Variants in CPNE9 observed in about 807,000 individuals in gnomAD.
CPNE9 encodes copine family member 9.
Under a neutral mutation model 83.0 loss-of-function variants are expected in CPNE9, and 59 were observed. That is an observed-to-expected ratio of 0.71 (90% CI 0.58 to 0.88). The LOEUF (loss-of-function observed/expected upper bound fraction) is 0.88, where lower values mean the gene tolerates loss of function less well. CPNE9 is among the 40% of genes least tolerant of loss of function. The pLI is 0.00. For synonymous variants in CPNE9, 256 were observed against 273.4 expected, an observed-to-expected ratio of 0.94 and a Z score of 0.63; for missense variants, 619 against 720.8, an observed-to-expected ratio of 0.86 and a Z score of 1.62.
At chr3:9,728,893 C>G (rs949628618) in intron 20 of CPNE9, among the ~76,000 whole-genome samples, 4 of 152,148 alleles carry the variant, frequency 2.6e-5, no homozygotes, top group African/African-American at 9.7e-5. Context: ...AGGATCCCTT[C>G]TCTCTGGTCC....
At chr3:9,727,289 T>C in intron 20 of CPNE9, 103 bp downstream of exon 20, 1 of 1,216,874 alleles carries the variant, frequency 8.2e-7, no homozygotes, top group South Asian at 1.2e-5. Flanking sequence ...CCTACTTTTT[T>C]CCCCCGTCAC....
intron 20 of CPNE9, among the ~76,000 whole-genome samples, chr3:9,729,154 A>G (rs574223513): frequency 6.6e-6 from 1 of 152,308 alleles, no homozygotes; most frequent in South Asian, 2.1e-4. Flanking sequence ...GGACGTGTCC[A>G]GAAGAATTAT....
chr3:9,712,104 G>A (rs2076635678), intron 7 of CPNE9, among the ~76,000 whole-genome samples: 1 of 152,152 alleles, frequency 6.6e-6, no homozygotes, highest in African/African-American at 2.4e-5. Flanking sequence ...AGTCAGCTTT[G>A]AAGACTACAA....
intron 13 of CPNE9, among the ~76,000 whole-genome samples, 157 bp downstream of exon 13, chr3:9,715,683 G>GT (rs1182078268): frequency 4.0e-5 from 6 of 151,764 alleles, no homozygotes; most frequent in African/African-American, 7.3e-5. Flanking sequence ...GTTTTTCTTT[G>GT]TTTTTTTTCT....
In CPNE9 at chr3:9,712,741, A is replaced by G. The variant is rs2076642138; in HGVS notation, c.458A>G (p.Gln153Arg). The G allele has an allele frequency of 6.2e-7, 1 of 1,614,024 alleles. No individual in the cohort carries two copies. The highest frequency in any genetic ancestry group is 1.7e-5 in the Admixed American group (1 of 60,000). The change falls in exon 9 of 21, where the codon CAG (glutamine) becomes CGG (arginine). Residue 153 changes from glutamine to arginine, a missense_variant. Physicochemically the swap from Gln to Arg is conservative, Grantham distance 43. This residue lies in a region of CPNE9 where 438 missense variants were observed against 562.9 expected (regional missense o/e 0.78). Coordinates refer to ENST00000383832, the MANE Select transcript of CPNE9 (RefSeq NM_153635.3). ...LSNCRDIATM[Q>R]LCANKLDKKD... ...CATCCCTAGGACATTGCCACCATGCAGCTGTGTGCAAACAAGCTGGACAAG... is the reference window on the plus strand; with the variant it reads ...CATCCCTAGGACATTGCCACCATGCGGCTGTGTGCAAACAAGCTGGACAAG...
chr3:9,714,673 C>T (rs1264678895), intron 10 of CPNE9, among the ~76,000 whole-genome samples: 4 of 110,520 alleles, frequency 3.6e-5, no homozygotes, highest in African/African-American at 1.3e-4. Flanking sequence ...AAAAAACCAA[C>T]CAAACAAACA....
intron 17 of CPNE9, among the ~76,000 whole-genome samples, chr3:9,724,431 G>C (rs1030587449): frequency 3.3e-5 from 5 of 152,118 alleles, no homozygotes; most frequent in Non-Finnish European, 7.4e-5. Flanking sequence ...AGGAAGCAAG[G>C]AAGCCTTCAG....
At chr3:9,720,571 A>G (rs1403068212) in intron 17 of CPNE9, among the ~76,000 whole-genome samples, 1 of 152,230 alleles carries the variant, frequency 6.6e-6, no homozygotes, top group Non-Finnish European at 1.5e-5. Context: ...CAATAGAGAA[A>G]TGAAGAAATC....
intron 7 of CPNE9, among the ~76,000 whole-genome samples, chr3:9,708,141 G>A (rs1224954811): frequency 6.6e-6 from 1 of 152,104 alleles, no homozygotes; most frequent in Non-Finnish European, 1.5e-5. Context: ...GTAGAAACAG[G>A]GGGCCTCATT....
chr3:9,706,293 T>TTC (rs1027887422), intron 7 of CPNE9, among the ~76,000 whole-genome samples: 2 of 150,824 alleles, frequency 1.3e-5, no homozygotes, highest in African/African-American at 2.4e-5. Flanking sequence ...CTCTCTCTGT[T>TTC]TCTCTCTCTC....
At chr3:9,709,761 A>G (rs1456479385) in intron 7 of CPNE9, among the ~76,000 whole-genome samples, 1 of 151,270 alleles carries the variant, frequency 6.6e-6, no homozygotes, top group Non-Finnish European at 1.5e-5. Flanking sequence ...AGGTGGAGGC[A>G]GGTGTATCAC....
chr3:9,715,654 C>A, intron 13 of CPNE9, 128 bp downstream of exon 13: 1 of 776,214 alleles, frequency 1.3e-6, no homozygotes, highest in South Asian at 1.6e-5. Context: ...TAATATTGGG[C>A]ACAAGGAGCA....
At chr3:9,718,827 C>A (rs2076708935) in intron 17 of CPNE9, among the ~76,000 whole-genome samples, 1 of 149,234 alleles carries the variant, frequency 6.7e-6, no homozygotes, top group South Asian at 2.1e-4. Context: ...TTAGTGAGAC[C>A]CCATCTCTTT....
intron 7 of CPNE9, among the ~76,000 whole-genome samples, chr3:9,710,196 A>T (rs1366480111): frequency 6.6e-6 from 1 of 152,176 alleles, no homozygotes; most frequent in African/African-American, 2.4e-5. Flanking sequence ...GATGGGAATG[A>T]CCAAGTAGAA....
At chr3:9,706,251 T>C (rs541507894) in intron 7 of CPNE9, among the ~76,000 whole-genome samples, 188 bp downstream of exon 7, 1 of 151,598 alleles carries the variant, frequency 6.6e-6, no homozygotes, top group South Asian at 2.1e-4. Context: ...AGGCCTGATA[T>C]GTCTTTTCTT....
intron 7 of CPNE9, among the ~76,000 whole-genome samples, chr3:9,709,269 C>G (rs1337685284): frequency 7.0e-6 from 1 of 142,124 alleles, no homozygotes; most frequent in East Asian, 2.1e-4. Flanking sequence ...GAGGGAGACT[C>G]CATCTCAAAA....
intron 10 of CPNE9, among the ~76,000 whole-genome samples, chr3:9,713,504 G>A (rs918505726): frequency 3.3e-5 from 5 of 152,272 alleles, no homozygotes; most frequent in East Asian, 1.9e-4. Flanking sequence ...TGGATATACA[G>A]GTGATGGGTG....
intron 7 of CPNE9, among the ~76,000 whole-genome samples, chr3:9,711,910 TG>T (rs1197839086): frequency 3.3e-5 from 5 of 152,234 alleles, no homozygotes; most frequent in Admixed American, 6.5e-5. Context: ...CTTTTGTCCC[TG>T]GGTCTGGACA....
At chr3:9,710,518 C>T (rs985692203) in intron 7 of CPNE9, among the ~76,000 whole-genome samples, 15 of 152,208 alleles carry the variant, frequency 9.9e-5, no homozygotes, top group African/African-American at 3.6e-4. Flanking sequence ...AAACTGCCAT[C>T]TACCAGAACT....
Sources: gnomAD v4.1 joint callset for allele counts (sites outside exome capture counted in the v4.1 genomes callset) on GRCh38, gnomAD v4.1.1 for gene constraint, gnomAD v4.1.1 regional missense constraint, MANE v1.5 for transcripts, NCBI Gene and HGNC (gene_info 2026-07-23, HGNC 2026-07-21) for gene names.